The following PDE4B variants were observed in gnomAD, a reference collection of about 807,000 sequenced individuals.
The protein encoded by PDE4B is phosphodiesterase 4B.
PDE4B carries 20 observed loss-of-function variants against 82.2 expected under a neutral mutation model. That is an observed-to-expected ratio of 0.24 (90% CI 0.17 to 0.35). The LOEUF (loss-of-function observed/expected upper bound fraction) is 0.35. Ranked by LOEUF, PDE4B falls within the 10% of genes least tolerant of loss-of-function variation. The probability of loss-of-function intolerance (pLI) is 1.00; values close to 1 mark genes in which losing one functional copy is unlikely to be tolerated. For missense variants in PDE4B, 655 were observed against 907.2 expected (o/e 0.72, Z 3.57); for synonymous variants, 320 against 318.9 (o/e 1.00, Z -0.04).
intron 7 of PDE4B, among the ~76,000 whole-genome samples, chr1:66,277,756 T>C (rs1314842572): frequency 6.6e-6 from 1 of 152,212 alleles, no homozygotes; most frequent in Admixed American, 6.5e-5. Context: ...TGACATCTCA[T>C]ACATGCTCCC....
At chr1:66,367,517 C>T in intron 13 of PDE4B, 179 bp from the exon 14 acceptor site, 4 of 529,636 alleles carry the variant, frequency 7.6e-6, no homozygotes, top group African/African-American at 1.9e-5. Flanking sequence ...GCATTTTTTG[C>T]TTAGAAACTG....
intron 9 of PDE4B, 106 bp downstream of exon 9, chr1:66,355,726 C>A: frequency 1.3e-5 from 7 of 549,540 alleles, no homozygotes; most frequent in Non-Finnish European, 2.3e-5. Flanking sequence ...GGAGTTGAGT[C>A]ATAGAAAAAT....
At chr1:66,168,893 T>C (rs1036616457) in intron 3 of PDE4B, among the ~76,000 whole-genome samples, 1 of 152,196 alleles carries the variant, frequency 6.6e-6, no homozygotes, top group African/African-American at 2.4e-5. Flanking sequence ...TGAGGTCAGC[T>C]TCTCTGAGAC....
At chr1:65,954,459 T>G (rs1051675336) in intron 3 of PDE4B, among the ~76,000 whole-genome samples, 1 of 152,134 alleles carries the variant, frequency 6.6e-6, no homozygotes, top group African/African-American at 2.4e-5. Context: ...TTAAGTTATA[T>G]ATCACGTTCA....
chr1:66,266,582 T>C, intron 7 of PDE4B: 1 of 405,524 alleles, frequency 2.5e-6, no homozygotes. Context: ...ACGAATCATT[T>C]CTTTTGGAGG....
chr1:66,023,168 C>G (rs1653238558), intron 3 of PDE4B, among the ~76,000 whole-genome samples: 1 of 152,094 alleles, frequency 6.6e-6, no homozygotes, highest in African/African-American at 2.4e-5. Flanking sequence ...TTTAGGCATA[C>G]TTTATAAGCT....
intron 1 of PDE4B, among the ~76,000 whole-genome samples, chr1:65,836,436 G>A (rs1340237693): frequency 1.3e-5 from 2 of 152,152 alleles, no homozygotes; most frequent in African/African-American, 4.8e-5. Context: ...TGACTAGTGA[G>A]GGCTACAGTC....
chr1:66,219,926 T>C (rs1650835726), intron 3 of PDE4B, among the ~76,000 whole-genome samples: 1 of 152,172 alleles, frequency 6.6e-6, no homozygotes, highest in Non-Finnish European at 1.5e-5. Flanking sequence ...TCTGGAAACA[T>C]TTATCATTTC....
At chr1:66,109,351 A>T (rs1405892531) in intron 3 of PDE4B, among the ~76,000 whole-genome samples, 1 of 151,950 alleles carries the variant, frequency 6.6e-6, no homozygotes, top group Non-Finnish European at 1.5e-5. Flanking sequence ...TTTTTCATAT[A>T]GAAGTAATTT....
At chr1:65,862,642 A>T (rs992426744) in intron 1 of PDE4B, among the ~76,000 whole-genome samples, 1 of 151,842 alleles carries the variant, frequency 6.6e-6, no homozygotes, top group African/African-American at 2.4e-5. Context: ...TCCTCTTTGT[A>T]CCTCTGGTAG....
At position 66,027,127 on chromosome 1, in the gene PDE4B, A is replaced by G. The variant is rs142023261; in HGVS notation, c.281+108292A>G. Among the ~76,000 whole-genome samples, 230 of 152,324 alleles carry G rather than the reference A, an allele frequency of 1.5e-3. 2 individuals are homozygous for G. Among genetic ancestry groups the G allele is most frequent in the Middle Eastern group, 0.014 (4 of 294 alleles). On this transcript the variant is annotated intron_variant, in intron 3 of 16. Coordinates refer to ENST00000341517, the MANE Select transcript of PDE4B (RefSeq NM_002600.4). Reference sequence around the variant, plus strand: ...AAAAATATGTGTATTAATCTGTTTCATGCTGCTGATAAAGACATATCTGAG... The same window carrying G: ...AAAAATATGTGTATTAATCTGTTTCGTGCTGCTGATAAAGACATATCTGAG...
intron 7 of PDE4B, among the ~76,000 whole-genome samples, chr1:66,271,681 T>C (rs1230420615): frequency 6.6e-6 from 1 of 152,196 alleles, no homozygotes; most frequent in Non-Finnish European, 1.5e-5. Flanking sequence ...CTCAAGCAGA[T>C]ACCCAGATAC....
chr1:66,097,059 A>G (rs1476563760), intron 3 of PDE4B, among the ~76,000 whole-genome samples: 2 of 152,022 alleles, frequency 1.3e-5, no homozygotes, highest in Non-Finnish European at 2.9e-5. Context: ...GCTGGCATGA[A>G]CATGTGAGTA....
intron 3 of PDE4B, among the ~76,000 whole-genome samples, chr1:66,150,766 C>G (rs1646376008): frequency 6.6e-6 from 1 of 152,070 alleles, no homozygotes; most frequent in Non-Finnish European, 1.5e-5. Context: ...TTGTTATATG[C>G]TTTTACTCTG....
At chr1:66,114,632 A>ATTTT (rs139293880) in intron 3 of PDE4B, among the ~76,000 whole-genome samples, 4 of 132,374 alleles carry the variant, frequency 3.0e-5, no homozygotes, top group Non-Finnish European at 4.8e-5. Flanking sequence ...GTAGCCCACA[A>ATTTT]TTTTTTTTTT....
intron 3 of PDE4B, among the ~76,000 whole-genome samples, chr1:66,205,655 C>T (rs1649486363): frequency 6.6e-6 from 1 of 152,220 alleles, no homozygotes; most frequent in Non-Finnish European, 1.5e-5. Flanking sequence ...TTTGCTATGG[C>T]TTACAACACA....
At chr1:66,224,485 G>A (rs879669868) in intron 3 of PDE4B, among the ~76,000 whole-genome samples, 7 of 152,264 alleles carry the variant, frequency 4.6e-5, no homozygotes, top group African/African-American at 1.7e-4. Context: ...TTGGGAGGCC[G>A]AGGCAGGTGG....
chr1:66,197,484 A>G (rs11208815), intron 3 of PDE4B, among the ~76,000 whole-genome samples: 76,611 of 151,968 alleles, frequency 0.5, 20,007 homozygotes, highest in South Asian at 0.63. Context: ...CATGATATTT[A>G]TACGTATTTA....
intron 3 of PDE4B, chr1:66,062,929 A>G (rs1365092962): frequency 6.6e-6 from 1 of 152,048 alleles, no homozygotes; most frequent in Non-Finnish European, 1.5e-5. Flanking sequence ...ATGGATCCTC[A>G]TGTTCCAGAA....
Sources: allele counts gnomAD v4.1 joint callset (sites outside exome capture counted in the v4.1 genomes callset), GRCh38; gene constraint gnomAD v4.1.1; transcripts MANE v1.5; gene names NCBI Gene and HGNC (gene_info 2026-07-23, HGNC 2026-07-21).